SAMD5: variants seen among roughly 807,000 people sequenced by gnomAD.
SAMD5 encodes sterile alpha motif domain-containing protein 5.
In SAMD5, 13 loss-of-function variants were observed where a neutral mutation model predicts 11.3. That is an observed-to-expected ratio of 1.15 (90% CI 0.75 to 1.83). The LOEUF is 1.83. Ranked by LOEUF, SAMD5 falls within the 40% of genes most tolerant of loss-of-function variation. The pLI is 0.00. For missense variants in SAMD5, 255 were observed against 239.1 expected (o/e 1.07, Z -0.44); for synonymous variants, 129 against 111.3 (o/e 1.16, Z -1.00).
At chr6:147,606,775 C>T (rs1383892840) in intron 1 of SAMD5, among the ~76,000 whole-genome samples, 2 of 151,848 alleles carry the variant, frequency 1.3e-5, no homozygotes, top group Admixed American at 1.3e-4. Context: ...GTTCACTTTG[C>T]AGATGTGGAA....
chr6:147,822,469 C>T, the SAMD5 span, among the ~76,000 whole-genome samples: 5 of 152,160 alleles, frequency 3.3e-5, no homozygotes. Flanking sequence ...ATGTTTACTT[C>T]TATACCTGCT....
intron 1 of SAMD5, among the ~76,000 whole-genome samples, chr6:147,547,025 C>T (rs1433897741): frequency 6.6e-6 from 1 of 152,180 alleles, no homozygotes; most frequent in Non-Finnish European, 1.5e-5. Context: ...GTCGGTCCCA[C>T]TTTGGGTCCT....
chr6:147,584,873 A>G (rs915021106), intron 1 of SAMD5, among the ~76,000 whole-genome samples: 2 of 152,202 alleles, frequency 1.3e-5, no homozygotes, highest in African/African-American at 4.8e-5. Flanking sequence ...TGTGACAGAA[A>G]GGAAAGAAGG....
intron 1 of SAMD5, among the ~76,000 whole-genome samples, chr6:147,551,173 C>T (rs1375443630): frequency 6.6e-6 from 1 of 152,132 alleles, no homozygotes; most frequent in African/African-American, 2.4e-5. Context: ...AATACTGTTT[C>T]ATTTAGGAAT....
rs4052655 is a variant in SAMD5, at chr6:147,731,652, CAAAAAAA to C, written c.163-5652_163-5646del. On this transcript the variant is annotated intron_variant, in intron 1 of 1. Coordinates refer to the SAMD5 transcript ENST00000566741. ...CCCTCTCTTTTCTCTCTGGCCACTACAAAAAAAAAAAAAAAAAAATCCTGAATGCAAC... is the reference window on the plus strand; with the variant it reads ...CCCTCTCTTTTCTCTCTGGCCACTACAAAAAAAAAAAATCCTGAATGCAAC... Among the ~76,000 whole-genome samples, 863 of 90,106 alleles carry C rather than the reference CAAAAAAA, an allele frequency of 9.6e-3. 13 individuals are homozygous for C. Among genetic ancestry groups the C allele is most frequent in the Middle Eastern group, 0.041 (3 of 74 alleles). 59.1% of individuals were successfully genotyped at this position (90,106 alleles called of 152,430 possible). A position where few individuals can be genotyped will look rare whatever the true frequency, so the allele number is the denominator to read the frequency against.
chr6:147,520,389 G>T (rs1202774740), intron 1 of SAMD5, among the ~76,000 whole-genome samples: 1 of 152,092 alleles, frequency 6.6e-6, no homozygotes, highest in Admixed American at 6.6e-5. Context: ...CAAAGTGCTG[G>T]GATTACAGCC....
the SAMD5 span, among the ~76,000 whole-genome samples, chr6:147,947,193 C>G: frequency 6.6e-6 from 1 of 152,152 alleles, no homozygotes; most frequent in Non-Finnish European, 1.5e-5. Context: ...CATTTTCCCC[C>G]TTTTGCTTGC....
At chr6:147,532,874 C>T (rs910278382) in intron 1 of SAMD5, among the ~76,000 whole-genome samples, 5 of 152,066 alleles carry the variant, frequency 3.3e-5, no homozygotes, top group Non-Finnish European at 7.4e-5. Flanking sequence ...ATTTTTCCTC[C>T]CGGAGAGCCA....
At chr6:147,651,073 A>G (rs573763072) in intron 1 of SAMD5, among the ~76,000 whole-genome samples, 1 of 152,338 alleles carries the variant, frequency 6.6e-6, no homozygotes, top group African/African-American at 2.4e-5. Context: ...ACCCATATTC[A>G]TGAAAGAAAC....
At chr6:147,878,597 A>ATG in the SAMD5 span, among the ~76,000 whole-genome samples, 20 of 144,920 alleles carry the variant, frequency 1.4e-4, 2 homozygotes, top group Admixed American at 1.4e-3. Context: ...ATATATATAC[A>ATG]TATATATCTA....
At chr6:147,939,046 C>G in the SAMD5 span, among the ~76,000 whole-genome samples, 551 of 152,262 alleles carry the variant, frequency 3.6e-3, 3 homozygotes, top group African/African-American at 0.013. Flanking sequence ...ACAACCCCCT[C>G]CTAAGTTTTG....
intron 1 of SAMD5, among the ~76,000 whole-genome samples, chr6:147,596,000 G>A (rs1376927853): frequency 6.6e-6 from 1 of 152,138 alleles, no homozygotes; most frequent in Non-Finnish European, 1.5e-5. Context: ...GATTGTGCTA[G>A]CCAGGGATAT....
chr6:147,620,233 G>C (rs1339967906), intron 1 of SAMD5, among the ~76,000 whole-genome samples: 3 of 152,084 alleles, frequency 2.0e-5, no homozygotes, highest in African/African-American at 7.2e-5. Context: ...CTGAGCACTG[G>C]CCTGCACAGC....
intron 1 of SAMD5, among the ~76,000 whole-genome samples, chr6:147,692,184 T>G (rs1259110480): frequency 6.6e-6 from 1 of 152,228 alleles, no homozygotes; most frequent in Non-Finnish European, 1.5e-5. Flanking sequence ...TCATTGTTCA[T>G]GAAGTTCTCT....
chr6:147,573,967 A>G (rs9377059), downstream of SAMD5, among the ~76,000 whole-genome samples: 1 of 152,098 alleles, frequency 6.6e-6, no homozygotes, highest in Non-Finnish European at 1.5e-5. Flanking sequence ...TACTAAAAAA[A>G]CAAAAACAAA....
chr6:147,823,796 CTT>C, the SAMD5 span, among the ~76,000 whole-genome samples: 1 of 152,112 alleles, frequency 6.6e-6, no homozygotes, highest in Non-Finnish European at 1.5e-5. Context: ...TTTTTAGAAA[CTT>C]TTAATAAAAC....
chr6:147,587,000 C>A (rs752648449), intron 1 of SAMD5, among the ~76,000 whole-genome samples: 1 of 152,066 alleles, frequency 6.6e-6, no homozygotes, highest in Non-Finnish European at 1.5e-5. Context: ...TGCTTGCTTG[C>A]AGAGTTGATT....
the SAMD5 span, among the ~76,000 whole-genome samples, chr6:147,887,919 A>G: frequency 6.6e-6 from 1 of 152,202 alleles, no homozygotes. Flanking sequence ...CTGATGACTA[A>G]TGATGTTAAA....
the SAMD5 span, among the ~76,000 whole-genome samples, chr6:147,932,574 C>G: frequency 6.8e-6 from 1 of 147,838 alleles, no homozygotes; most frequent in Non-Finnish European, 1.5e-5. Context: ...AGAGCTGTGT[C>G]AGGTCTTACA....
Sources: gnomAD v4.1 joint callset for allele counts (sites outside exome capture counted in the v4.1 genomes callset) on GRCh38, gnomAD v4.1.1 for gene constraint, MANE v1.5 for transcripts, NCBI Gene and HGNC (gene_info 2026-07-23, HGNC 2026-07-21) for gene names.